SRD5A1: variants seen among roughly 807,000 people sequenced by gnomAD.
SRD5A1 encodes the protein steroid 5 alpha-reductase 1, also known as 3-oxo-5-alpha-steroid 4-dehydrogenase 1.
SRD5A1 carries 22 observed loss-of-function variants against 28.2 expected under a neutral mutation model. The ratio of observed to expected loss-of-function variants is 0.78; its 90% CI spans 0.56 to 1.12. The LOEUF (loss-of-function observed/expected upper bound fraction) is 1.12, where lower values mean the gene tolerates loss of function less well. Ranked by LOEUF, SRD5A1 falls within the 50% of genes most tolerant of loss-of-function variation. The probability of loss-of-function intolerance (pLI) is 0.00; values close to 1 mark genes in which losing one functional copy is unlikely to be tolerated. For synonymous variants in SRD5A1, 151 were observed against 135.0 expected, an observed-to-expected ratio of 1.12 and a Z score of -0.82; for missense variants, 300 against 346.7, an observed-to-expected ratio of 0.87 and a Z score of 1.07.
chr5:6,641,351 A>G (rs1738354874), intron 1 of SRD5A1, among the ~76,000 whole-genome samples: 1 of 152,200 alleles, frequency 6.6e-6, no homozygotes, highest in South Asian at 2.1e-4. Flanking sequence ...ATGGATTTCC[A>G]AGGAAGTAAA....
At position 6,656,167 on chromosome 5, in the gene SRD5A1, A is replaced by G; in HGVS notation, c.550A>G (p.Lys184Glu). 1.9e-6 allele frequency: 3 copies of G among 1,613,386 alleles called. No individual in the cohort carries two copies. Among genetic ancestry groups the G allele is most frequent in the Non-Finnish European group, 2.5e-6 (3 of 1,179,332 alleles). The change falls in exon 3 of 5, where the codon AAA (lysine) becomes GAA (glutamate). Residue 184 changes from lysine (K) to glutamate (E), a missense_variant. Lys to Glu is a moderately conservative substitution (Grantham distance 56). Around this residue, in one of 2 missense-constraint regions of SRD5A1, gnomAD observed 126 missense variants for 185.7 expected, o/e 0.68. Transcript: ENST00000274192. Reference protein sequence around the residue: ...NLRKPGDTGYKIPRGGLFEYV... With the variant: ...NLRKPGDTGYEIPRGGLFEYV... ...CAGAAAACCAGGAGATACTGGATACAAAATACCAAGGGGTACGTACAGAAA... is the reference window on the plus strand; with the variant it reads ...CAGAAAACCAGGAGATACTGGATACGAAATACCAAGGGGTACGTACAGAAA...
intron 1 of SRD5A1, among the ~76,000 whole-genome samples, chr5:6,649,387 C>G (rs571092901): frequency 1.3e-5 from 2 of 152,342 alleles, no homozygotes; most frequent in African/African-American, 4.8e-5. Flanking sequence ...TTCGAACTTC[C>G]TGGGGCTTTG....
At position 6,633,690 on chromosome 5, in the gene SRD5A1, C is replaced by G; in HGVS notation, c.114C>G (p.Tyr38Ter). ...FARNRQTNSVYGRHALPSHRL... is the reference protein window; with the variant it reads ...FARNRQTNSV The stretch of plus-strand genomic sequence containing the variant: ...GCAATCGTCAGACGAACTCAGTGTA[C>G]GGCCGCCACGCGCTGCCCAGCCACA... Residue 38 changes from tyrosine to a stop codon, truncating the protein, a stop_gained, in exon 1 of 5, where the codon TAC becomes TAG. Coordinates refer to ENST00000274192, the MANE Select transcript of SRD5A1 (RefSeq NM_001047.4). LOFTEE classifies it high-confidence loss of function. 1 of 1,586,918 alleles carries G rather than the reference C, an allele frequency of 6.3e-7. No individual in the cohort carries two copies. The highest frequency in any genetic ancestry group is 1.1e-5 in the South Asian group (1 of 90,220).
At chr5:6,651,512 A>ATAATAT (rs1422445062) in intron 1 of SRD5A1, among the ~76,000 whole-genome samples, 1 of 151,948 alleles carries the variant, frequency 6.6e-6, no homozygotes, top group East Asian at 1.9e-4. Flanking sequence ...AATAATAATA[A>ATAATAT]TAATAAGTGT....
intron 3 of SRD5A1, among the ~76,000 whole-genome samples, chr5:6,656,631 C>T (rs140364364): frequency 3.8e-4 from 58 of 152,226 alleles, no homozygotes; most frequent in African/African-American, 1.3e-3. Flanking sequence ...GAATCTGGAG[C>T]GTGTCTTTTG....
At chr5:6,665,572 C>G (rs1739146110) in intron 4 of SRD5A1, among the ~76,000 whole-genome samples, 1 of 152,222 alleles carries the variant, frequency 6.6e-6, no homozygotes. Context: ...CAGCACTGCA[C>G]CTGGCCTGGG....
chr5:6,645,684 G>T (rs1738489267), intron 1 of SRD5A1, among the ~76,000 whole-genome samples: 1 of 151,432 alleles, frequency 6.6e-6, no homozygotes, highest in South Asian at 2.1e-4. Flanking sequence ...TTTGGTGATT[G>T]CATATAGTTG....
intron 2 of SRD5A1, among the ~76,000 whole-genome samples, chr5:6,652,224 C>T (rs1194265160): frequency 1.3e-5 from 2 of 152,256 alleles, no homozygotes; most frequent in Admixed American, 1.3e-4. Context: ...CCCGCACGGG[C>T]AGGCACTGAA....
chr5:6,640,478 G>T (rs1255129096), intron 1 of SRD5A1, among the ~76,000 whole-genome samples: 2 of 151,504 alleles, frequency 1.3e-5, no homozygotes, highest in Non-Finnish European at 2.9e-5. Flanking sequence ...AGACACCAAG[G>T]TTTGCAGTTT....
chr5:6,664,240 T>C (rs898913931), intron 4 of SRD5A1, among the ~76,000 whole-genome samples: 1 of 152,174 alleles, frequency 6.6e-6, no homozygotes, highest in Non-Finnish European at 1.5e-5. Context: ...GTTTATCATC[T>C]TTTTTGGGAC....
intron 1 of SRD5A1, among the ~76,000 whole-genome samples, chr5:6,643,098 T>G (rs1738412220): frequency 6.6e-6 from 1 of 152,198 alleles, no homozygotes; most frequent in Non-Finnish European, 1.5e-5. Flanking sequence ...GATTCCACTT[T>G]GGATTCTACT....
At chr5:6,650,279 T>G (rs1430611578) in intron 1 of SRD5A1, among the ~76,000 whole-genome samples, 8 of 151,904 alleles carry the variant, frequency 5.3e-5, no homozygotes, top group Admixed American at 4.6e-4. Context: ...GGTGTGGTGG[T>G]GTGTGCCTGA....
At chr5:6,659,204 C>T (rs546953692) in intron 3 of SRD5A1, among the ~76,000 whole-genome samples, 64 of 151,756 alleles carry the variant, frequency 4.2e-4, no homozygotes, top group African/African-American at 1.4e-3. Context: ...AGCTCTGCCT[C>T]TCGGGTTCAC....
chr5:6,650,813 T>G, intron 1 of SRD5A1, among the ~76,000 whole-genome samples: 1 of 85,830 alleles, frequency 1.2e-5, no homozygotes, highest in Non-Finnish European at 2.2e-5. Context: ...CCCACAACAG[T>G]CCCCAGAGTG....
intron 1 of SRD5A1, among the ~76,000 whole-genome samples, chr5:6,649,732 C>T (rs147760507): frequency 0.017 from 2,634 of 152,306 alleles, 35 homozygotes; most frequent in Non-Finnish European, 0.027. Flanking sequence ...CGATGCCCCA[C>T]CCTGCTTCGG....
chr5:6,641,853 C>T (rs776849381), intron 1 of SRD5A1, among the ~76,000 whole-genome samples: 6 of 152,224 alleles, frequency 3.9e-5, no homozygotes, highest in African/African-American at 7.2e-5. Flanking sequence ...AAACCTAGAC[C>T]GCAGCAGCTG....
chr5:6,648,118 T>C (rs1397056085), intron 1 of SRD5A1, among the ~76,000 whole-genome samples: 2 of 152,222 alleles, frequency 1.3e-5, no homozygotes, highest in South Asian at 2.1e-4. Context: ...CACTCTCTTC[T>C]GGCTTGTAGG....
intron 1 of SRD5A1, among the ~76,000 whole-genome samples, chr5:6,641,889 GCAAGTTGATGT>G (rs1271474208): frequency 6.6e-6 from 1 of 152,202 alleles, no homozygotes; most frequent in Non-Finnish European, 1.5e-5. Flanking sequence ...AGTGCCCTGA[GCAAGTTGATGT>G]CAAGTTGATG....
At chr5:6,644,937 A>G (rs934034080) in intron 1 of SRD5A1, 15 of 455,854 alleles carry the variant, frequency 3.3e-5, no homozygotes, top group Non-Finnish European at 4.4e-5. Flanking sequence ...CGTTGTTCTT[A>G]TTCATTGCTT....
Sources: allele counts gnomAD v4.1 joint callset (sites outside exome capture counted in the v4.1 genomes callset), GRCh38; gene constraint gnomAD v4.1.1; regional missense constraint gnomAD v4.1.1; transcripts MANE v1.5; gene names NCBI Gene and HGNC (gene_info 2026-07-23, HGNC 2026-07-21).